PKHD1L1: variants seen among roughly 807,000 people sequenced by gnomAD.
The protein encoded by PKHD1L1 is fibrocystin-L.
PKHD1L1 carries 434 observed loss-of-function variants against 462.9 expected under a neutral mutation model. That is an observed-to-expected ratio of 0.94 (90% confidence interval 0.87 to 1.02). The LOEUF (loss-of-function observed/expected upper bound fraction) is 1.02, where lower values mean the gene tolerates loss of function less well. Among genes scored for constraint, PKHD1L1 ranks in the 50% least tolerant of loss-of-function variants. The pLI is 0.00. For synonymous variants in PKHD1L1, 1,781 were observed against 1,750.0 expected (o/e 1.02, Z -0.44); for missense variants, 5,202 against 5,096.1 (o/e 1.02, Z -0.63).
At chr8:109,486,445 AT>A (rs1354572140) in intron 58 of PKHD1L1, among the ~76,000 whole-genome samples, 1 of 152,040 alleles carries the variant, frequency 6.6e-6, no homozygotes, top group Admixed American at 6.6e-5. Context: ...TAGAGGAAAT[AT>A]TTTTGATTAT....
chr8:109,443,211 G>C, intron 36 of PKHD1L1, 95 bp downstream of exon 36: 3 of 1,203,096 alleles, frequency 2.5e-6, no homozygotes, highest in Non-Finnish European at 3.6e-6. Context: ...GTCTAACTGT[G>C]CTTCTATCTT....
At chr8:109,399,962 A>T in intron 12 of PKHD1L1, 114 bp from the exon 13 acceptor site, 1 of 1,123,688 alleles carries the variant, frequency 8.9e-7, no homozygotes, top group Non-Finnish European at 1.3e-6. Context: ...GTCTGCACAC[A>T]TACTAAAAAT....
Position 109,485,124 on chromosome 8 carries a change from T to C in PKHD1L1, c.9657T>C (p.His3219=), listed in dbSNP as rs775922369. The part of the protein sequence containing the change: ...TETRSIVKIL[H]DHKILILNDS... ...CAAGAAGTATCGTTAAAATCCTGCA[T>C]GATCATAAAATTCTCATTCTTAATG... The change falls in exon 58 of 78, where the codon CAT becomes CAC. Residue 3219 remains histidine, a synonymous_variant. Coordinates refer to ENST00000378402, the MANE Select transcript of PKHD1L1 (RefSeq NM_177531.6). 1.9e-6 allele frequency: 3 copies of C among 1,599,484 alleles called. No homozygotes were observed. In the Admixed American group the frequency reaches 5.1e-5, roughly 27 times the overall value.
In PKHD1L1 at chr8:109,396,835, G is replaced by A. The variant is rs139025932; in HGVS notation, c.922+698G>A. 1.8e-3 allele frequency among the ~76,000 whole-genome samples: 271 copies of A among 152,324 alleles called. 3 individuals carry two copies. The East Asian group carries it at 0.042, about 24-fold the overall frequency. On this transcript the variant is annotated intron_variant, in intron 11 of 77. Transcript: ENST00000378402. ...TGCCTGCCCATGCAACAAGGCATAT[G>A]CATTTCCACAGTCCTCTTGCTCAAG...
intron 67 of PKHD1L1, among the ~76,000 whole-genome samples, chr8:109,500,673 CAAAAAAAAAAAA>C (rs34827783): frequency 6.4e-5 from 3 of 47,198 alleles, no homozygotes; most frequent in Non-Finnish European, 1.2e-4. Flanking sequence ...AACTCTGTCT[CAAAAAAAAAAAA>C]AAAAAAAAAA....
chr8:109,422,949 G>A (rs904966660), intron 23 of PKHD1L1, among the ~76,000 whole-genome samples: 1 of 152,058 alleles, frequency 6.6e-6, no homozygotes, highest in Non-Finnish European at 1.5e-5. Flanking sequence ...CATTTTAATT[G>A]ATATTTCCTA....
intron 53 of PKHD1L1, among the ~76,000 whole-genome samples, chr8:109,478,934 A>T (rs1818133384): frequency 6.6e-6 from 1 of 152,108 alleles, no homozygotes; most frequent in African/African-American, 2.4e-5. Context: ...CAGAAGTGCT[A>T]CCTCAGGATT....
chr8:109,474,364 G>GA (rs1214257974), intron 50 of PKHD1L1, among the ~76,000 whole-genome samples: 1 of 152,120 alleles, frequency 6.6e-6, no homozygotes, highest in African/African-American at 2.4e-5. Context: ...TATTGTAAGA[G>GA]AACTTTTCAA....
intron 27 of PKHD1L1, among the ~76,000 whole-genome samples, chr8:109,431,251 T>C (rs6469262): frequency 0.65 from 98,675 of 152,026 alleles, 33,589 homozygotes; most frequent in African/African-American, 0.86. Context: ...ATCTGAATTG[T>C]CTTTTGCCAC....
intron 23 of PKHD1L1, among the ~76,000 whole-genome samples, chr8:109,424,300 G>A (rs770648919): frequency 1.3e-5 from 2 of 152,016 alleles, no homozygotes; most frequent in Admixed American, 6.6e-5. Context: ...TTTGATTGCT[G>A]TACATTTTTC....
At chr8:109,472,047 T>C (rs1180281183) in intron 50 of PKHD1L1, among the ~76,000 whole-genome samples, 1 of 151,534 alleles carries the variant, frequency 6.6e-6, no homozygotes, top group Non-Finnish European at 1.5e-5. Context: ...TAGGAATTAC[T>C]TTATTATAAA....
At chr8:109,505,263 C>A (rs1673416) in intron 68 of PKHD1L1, among the ~76,000 whole-genome samples, 59,087 of 151,420 alleles carry the variant, frequency 0.39, 11,668 homozygotes, top group South Asian at 0.57. Context: ...TTTTTCTTAC[C>A]CTTTTTGGTT....
intron 69 of PKHD1L1, 37 bp from the exon 70 acceptor site, chr8:109,508,060 T>C: frequency 6.5e-7 from 1 of 1,548,976 alleles, no homozygotes; most frequent in Non-Finnish European, 8.7e-7. Flanking sequence ...AAAGAGATTC[T>C]GTATTATTGC....
At chr8:109,500,127 G>A (rs1486364986) in intron 67 of PKHD1L1, among the ~76,000 whole-genome samples, 1 of 152,072 alleles carries the variant, frequency 6.6e-6, no homozygotes, top group Non-Finnish European at 1.5e-5. Flanking sequence ...GGACTACTGG[G>A]ATCTACTTGC....
intron 73 of PKHD1L1, among the ~76,000 whole-genome samples, chr8:109,520,227 C>G (rs1820479356): frequency 6.6e-6 from 1 of 152,090 alleles, no homozygotes; most frequent in Non-Finnish European, 1.5e-5. Context: ...TCTGTACTCA[C>G]TTGGACTTAC....
At chr8:109,406,709 C>T (rs1563744440) in intron 17 of PKHD1L1, among the ~76,000 whole-genome samples, 1 of 151,952 alleles carries the variant, frequency 6.6e-6, no homozygotes, top group East Asian at 1.9e-4. Context: ...CATATAATAG[C>T]CTACTTTATA....
chr8:109,368,954 T>G (rs1453104169), intron 2 of PKHD1L1, among the ~76,000 whole-genome samples: 1 of 152,184 alleles, frequency 6.6e-6, no homozygotes, highest in Non-Finnish European at 1.5e-5. Flanking sequence ...GTGGTGTTTT[T>G]ATCTTCAATC....
chr8:109,447,478 A>T (rs769759205), intron 38 of PKHD1L1, among the ~76,000 whole-genome samples: 1 of 152,194 alleles, frequency 6.6e-6, no homozygotes, highest in African/African-American at 2.4e-5. Context: ...ACAACCTATG[A>T]AAAGTTCCAC....
At position 109,445,651 on chromosome 8, in the gene PKHD1L1, C is replaced by A. The variant is rs780076921; in HGVS notation, c.5776+6C>A. 2 of 1,582,292 alleles carry A rather than the reference C, an allele frequency of 1.3e-6. No homozygotes were observed. The highest frequency in any genetic ancestry group is 1.7e-6 in the Non-Finnish European group (2 of 1,154,598). On this transcript the variant is annotated splice_donor_region_variant and intron_variant, in intron 38 of 77. Coordinates refer to ENST00000378402, the MANE Select transcript of PKHD1L1 (RefSeq NM_177531.6). ...AGGAATTATCCCAAGCAGAGGTACT[C>A]CAATATCTGCCTTATTATCTTGATA...
Sources: allele counts gnomAD v4.1 joint callset (sites outside exome capture counted in the v4.1 genomes callset), GRCh38; gene constraint gnomAD v4.1.1; transcripts MANE v1.5; gene names NCBI Gene and HGNC (gene_info 2026-07-23, HGNC 2026-07-21).